ACYP2: variants seen among roughly 807,000 people sequenced by gnomAD.
ACYP2 encodes acylphosphatase 2.
ACYP2 carries 12 observed loss-of-function variants against 11.2 expected under a neutral mutation model. That is an observed-to-expected ratio of 1.08 (90% CI 0.69 to 1.74). The LOEUF is 1.74. Among genes scored for constraint, ACYP2 ranks in the 40% most tolerant of loss-of-function variants. ACYP2 has a pLI of 0.00. For missense variants in ACYP2, 134 were observed against 101.9 expected (o/e 1.31, Z -1.35); for synonymous variants, 43 against 32.2 (o/e 1.33, Z -1.13).
At position 54,163,617 on chromosome 2, in the gene ACYP2, G is replaced by C. The variant is rs113719854; in HGVS notation, c.404+24869G>C. ...CGCCCGTAATCCCAGCACTTTGGGA[G>C]GCCTAGGGGGGTGGCTCACCCAAGG... On this transcript the variant is annotated intron_variant, in intron 6 of 6. Coordinates refer to ENST00000607452, the MANE Select transcript of ACYP2 (RefSeq NM_001320586.2). 1.8e-3 allele frequency among the ~76,000 whole-genome samples: 272 copies of C among 152,298 alleles called. 1 individual carries two copies. The highest frequency in any genetic ancestry group is 5.8e-3 in the African/African-American group (241 of 41,570).
intron 2 of ACYP2, among the ~76,000 whole-genome samples, chr2:54,049,008 C>T (rs1675680112): frequency 6.6e-6 from 1 of 152,158 alleles, no homozygotes; most frequent in Non-Finnish European, 1.5e-5. Context: ...GGTGCAGTGG[C>T]TCACACCTGT....
At chr2:53,974,838 T>C (rs562851415) in intron 2 of ACYP2, among the ~76,000 whole-genome samples, 13 of 152,260 alleles carry the variant, frequency 8.5e-5, no homozygotes, top group Admixed American at 1.3e-4. Flanking sequence ...TTGAGAATAT[T>C]TGAAAGAGAG....
chr2:53,981,708 C>CA (rs945905193), intron 2 of ACYP2, among the ~76,000 whole-genome samples: 9 of 152,128 alleles, frequency 5.9e-5, no homozygotes, highest in African/African-American at 1.9e-4. Context: ...CAGTGTGAAT[C>CA]AGCCTTAGGT....
intron 2 of ACYP2, among the ~76,000 whole-genome samples, chr2:54,012,553 C>A (rs1325999277): frequency 6.6e-6 from 1 of 152,170 alleles, no homozygotes; most frequent in Admixed American, 6.6e-5. Flanking sequence ...GTATTTGTCT[C>A]TCTGCTCTCC....
chr2:54,199,341 C>T lies in ACYP2; in HGVS notation c.404+60593C>T, dbSNP rs1341681591. Among the ~76,000 whole-genome samples, 8 of 152,318 alleles carry T rather than the reference C, an allele frequency of 5.3e-5. No individual in the cohort carries two copies. The East Asian group carries it at 9.6e-4, about 18-fold the overall frequency. ...ACACATGGCACCTGTCTCCTCTGCT[C>T]GTGCACACGTGTCATTGTCCCATCA... On this transcript the variant is annotated intron_variant, in intron 6 of 6. Transcript: ENST00000607452.
At chr2:54,141,553 G>A (rs187930445) in intron 6 of ACYP2, among the ~76,000 whole-genome samples, 4 of 152,184 alleles carry the variant, frequency 2.6e-5, no homozygotes, top group South Asian at 2.1e-4. Context: ...TTTGTCATAC[G>A]TTAAAATCTC....
intron 6 of ACYP2, among the ~76,000 whole-genome samples, chr2:54,193,451 G>C (rs944034203): frequency 6.6e-6 from 1 of 152,122 alleles, no homozygotes; most frequent in Non-Finnish European, 1.5e-5. Context: ...GCTGGGATGA[G>C]CTCCCAGAGC....
At chr2:54,032,306 A>G (rs894977660) in intron 2 of ACYP2, among the ~76,000 whole-genome samples, 22 of 152,270 alleles carry the variant, frequency 1.4e-4, no homozygotes, top group Non-Finnish European at 2.4e-4. Flanking sequence ...TTTTGTATAA[A>G]GTGTAAGGAA....
intron 4 of ACYP2, among the ~76,000 whole-genome samples, chr2:54,058,429 A>G (rs1341787698): frequency 6.6e-6 from 1 of 152,042 alleles, no homozygotes; most frequent in Non-Finnish European, 1.5e-5. Context: ...GTCTTCATTT[A>G]CAAATTTTAG....
intron 2 of ACYP2, among the ~76,000 whole-genome samples, chr2:54,049,365 G>A (rs11683654): frequency 0.34 from 51,588 of 151,856 alleles, 9,374 homozygotes; most frequent in East Asian, 0.7. Flanking sequence ...ACTTGCCCCT[G>A]TCAATGTGTC....
At chr2:54,003,084 G>A (rs1277611403) in intron 2 of ACYP2, among the ~76,000 whole-genome samples, 3 of 152,094 alleles carry the variant, frequency 2.0e-5, no homozygotes, top group Non-Finnish European at 2.9e-5. Flanking sequence ...AAGTAGCTGG[G>A]ATTACAGGCA....
intron 2 of ACYP2, among the ~76,000 whole-genome samples, chr2:54,004,033 G>T (rs1035002682): frequency 6.6e-6 from 1 of 151,986 alleles, no homozygotes; most frequent in Non-Finnish European, 1.5e-5. Flanking sequence ...ACCTAGGCTG[G>T]AATGCAATGG....
At chr2:54,235,594 C>T (rs1686442089) in intron 6 of ACYP2, among the ~76,000 whole-genome samples, 1 of 152,206 alleles carries the variant, frequency 6.6e-6, no homozygotes, top group African/African-American at 2.4e-5. Flanking sequence ...TCGTGATCTG[C>T]CTGCCTTGGC....
chr2:54,054,685 G>A (rs776755180), intron 3 of ACYP2, among the ~76,000 whole-genome samples: 2 of 152,208 alleles, frequency 1.3e-5, no homozygotes, highest in South Asian at 4.1e-4. Context: ...AATGATATCT[G>A]CAGTCTTGTT....
chr2:54,123,223 G>C, intron 4 of ACYP2: 1 of 396,976 alleles, frequency 2.5e-6, no homozygotes, highest in Middle Eastern at 6.3e-4. Context: ...TTCCGCTAGA[G>C]AGAAAGATGC....
intron 6 of ACYP2, among the ~76,000 whole-genome samples, chr2:54,239,610 T>C (rs1177329931): frequency 1.3e-5 from 2 of 152,214 alleles, no homozygotes; most frequent in Non-Finnish European, 2.9e-5. Flanking sequence ...CTGTGCCATA[T>C]GTCCTTGTTA....
intron 6 of ACYP2, among the ~76,000 whole-genome samples, chr2:54,246,538 T>C (rs1686959869): frequency 6.6e-6 from 1 of 152,208 alleles, no homozygotes; most frequent in Non-Finnish European, 1.5e-5. Context: ...CTTTCTGTGT[T>C]TGTAATCTAA....
At chr2:54,041,531 A>G (rs1235378901) in intron 2 of ACYP2, among the ~76,000 whole-genome samples, 1 of 152,198 alleles carries the variant, frequency 6.6e-6, no homozygotes, top group East Asian at 1.9e-4. Context: ...GGCTTACTCA[A>G]AACTTATGAT....
chr2:54,260,514 T>A (rs1213310752), intron 6 of ACYP2, among the ~76,000 whole-genome samples: 1 of 151,700 alleles, frequency 6.6e-6, no homozygotes, highest in Non-Finnish European at 1.5e-5. Context: ...GGCAAGAGAA[T>A]AATTATAATA....
Sources: gnomAD v4.1 joint callset for allele counts (sites outside exome capture counted in the v4.1 genomes callset) on GRCh38, gnomAD v4.1.1 for gene constraint, MANE v1.5 for transcripts, NCBI Gene and HGNC (gene_info 2026-07-23, HGNC 2026-07-21) for gene names.